Variants in ELF5 observed in about 807,000 individuals in gnomAD.
The protein encoded by ELF5 is ETS-related transcription factor Elf-5.
A neutral mutation model predicts 38.2 loss-of-function variants in ELF5; 31 were observed. The observed-to-expected ratio is 0.81, with a 90% CI of 0.61 to 1.10. The LOEUF (loss-of-function observed/expected upper bound fraction) is 1.10. Among genes scored for constraint, ELF5 ranks in the 50% least tolerant of loss-of-function variants. The probability of loss-of-function intolerance (pLI) is 0.00; values close to 1 mark genes in which losing one functional copy is unlikely to be tolerated. For missense variants in ELF5, 300 were observed against 306.6 expected, an observed-to-expected ratio of 0.98 and a Z score of 0.16; for synonymous variants, 121 against 112.5, an observed-to-expected ratio of 1.08 and a Z score of -0.48.
intron 2 of ELF5, among the ~76,000 whole-genome samples, chr11:34,494,147 C>T (rs530261683): frequency 3.7e-4 from 56 of 152,288 alleles, no homozygotes; most frequent in South Asian, 1.4e-3. Flanking sequence ...GTTTCCTCAT[C>T]TGTAAAATGG....
intron 2 of ELF5, among the ~76,000 whole-genome samples, chr11:34,494,347 C>A (rs1456158356): frequency 6.6e-6 from 1 of 152,212 alleles, no homozygotes; most frequent in East Asian, 1.9e-4. Flanking sequence ...TGTTTCTGCA[C>A]AGTTACTGGC....
At chr11:34,511,101 A>G (rs1304846319) in intron 1 of ELF5, among the ~76,000 whole-genome samples, 1 of 152,160 alleles carries the variant, frequency 6.6e-6, no homozygotes, top group Non-Finnish European at 1.5e-5. Flanking sequence ...GCAGACACCC[A>G]CCTGATTGAG....
chr11:34,481,533 A>G (rs577815029), intron 5 of ELF5, among the ~76,000 whole-genome samples: 1 of 152,330 alleles, frequency 6.6e-6, no homozygotes, highest in Admixed American at 6.5e-5. Context: ...TGACTCACAG[A>G]TGTTCTATGG....
chr11:34,507,271 T>C lies in ELF5; in HGVS notation c.-4-1518A>G, dbSNP rs76628728. ...GACCTGTGGTAATTGCAACAAGCAC[T>C]TCACTTTGGGCTTCATGCTGAGTAC... On this transcript the variant is annotated intron_variant, in intron 1 of 6. Transcript: ENST00000257832. Among the ~76,000 whole-genome samples the C allele has an allele frequency of 7.6e-3, 1,151 of 152,336 alleles. 15 individuals carry two copies. The highest frequency in any genetic ancestry group is 0.027 in the African/African-American group (1,102 of 41,582).
At chr11:34,489,113 G>A (rs1850090938) in intron 4 of ELF5, among the ~76,000 whole-genome samples, 1 of 152,282 alleles carries the variant, frequency 6.6e-6, no homozygotes, top group African/African-American at 2.4e-5. Context: ...TAAGCCCGTA[G>A]CGTGTGGTCC....
chr11:34,505,599 A>C, intron 2 of ELF5, 30 bp downstream of exon 2: 1 of 1,612,372 alleles, frequency 6.2e-7, no homozygotes, highest in Non-Finnish European at 8.5e-7. Flanking sequence ...TCCTGGCTGC[A>C]CTCAGATGGG....
chr11:34,489,495 C>T (rs757885445), intron 4 of ELF5, among the ~76,000 whole-genome samples: 3 of 152,208 alleles, frequency 2.0e-5, no homozygotes, highest in Non-Finnish European at 4.4e-5. Flanking sequence ...TTTCCCGAGC[C>T]TTCTTCATCT....
At chr11:34,484,379 C>G (rs12288820) in intron 4 of ELF5, among the ~76,000 whole-genome samples, 91,490 of 151,076 alleles carry the variant, frequency 0.61, 29,181 homozygotes, top group African/African-American at 0.79. Flanking sequence ...TAACTATACT[C>G]TACTGTACTA....
chr11:34,510,506 C>T (rs1564988037), intron 1 of ELF5, among the ~76,000 whole-genome samples: 1 of 152,020 alleles, frequency 6.6e-6, no homozygotes, highest in African/African-American at 2.4e-5. Context: ...CTCTTAAGGA[C>T]TTCTTTAGTG....
chr11:34,489,667 G>A (rs1306795588), intron 4 of ELF5, among the ~76,000 whole-genome samples: 2 of 152,102 alleles, frequency 1.3e-5, no homozygotes. Flanking sequence ...TATGACAAAT[G>A]GATACTGGTT....
At chr11:34,493,817 T>C (rs1850245957) in intron 2 of ELF5, 105 bp from the exon 3 acceptor site, 2 of 1,015,930 alleles carry the variant, frequency 2.0e-6, no homozygotes, top group Non-Finnish European at 2.9e-6. Context: ...CCTCAGCCAA[T>C]AAGTTGAAAG....
At chr11:34,484,064 T>C (rs372171854) in intron 4 of ELF5, among the ~76,000 whole-genome samples, 20 of 151,572 alleles carry the variant, frequency 1.3e-4, no homozygotes, top group African/African-American at 4.3e-4. Flanking sequence ...ATACTAACTA[T>C]ACTGTACTGT....
intron 3 of ELF5, among the ~76,000 whole-genome samples, chr11:34,490,607 G>A (rs1006613788): frequency 1.3e-5 from 2 of 152,198 alleles, no homozygotes; most frequent in African/African-American, 4.8e-5. Context: ...TGTGAATGCT[G>A]AGTTTAATGA....
chr11:34,494,538 AGAG>A, intron 2 of ELF5, among the ~76,000 whole-genome samples: 1 of 152,246 alleles, frequency 6.6e-6, no homozygotes, highest in South Asian at 2.1e-4. Flanking sequence ...CCACTCCTTT[AGAG>A]GAGTCGTGTA....
intron 3 of ELF5, 185 bp downstream of exon 3, chr11:34,493,294 G>A (rs1004204404): frequency 1.4e-5 from 9 of 630,468 alleles, no homozygotes; most frequent in South Asian, 8.1e-5. Flanking sequence ...TTTGTAACTC[G>A]CTCCCTTTTC....
chr11:34,480,249 T>C lies in ELF5; in HGVS notation c.737A>G (p.Asn246Ser). 1 of 1,613,970 alleles carries C rather than the reference T, an allele frequency of 6.2e-7. No homozygotes were observed. Among genetic ancestry groups the C allele is most frequent in the Non-Finnish European group, 8.5e-7 (1 of 1,179,896 alleles). The change falls in exon 7 of 7, where the codon AAT (asparagine) becomes AGT (serine). Residue 246 changes from asparagine to serine, a missense_variant. Asn to Ser is a conservative substitution (Grantham distance 46). Transcript: ENST00000257832. ...CTTGTCTTCCTGCCACCCGTGTGCA[T>C]TTTTTCCAAATTTGTACACTAACCT... is the stretch of plus-strand genomic sequence containing the variant. ...DRRLVYKFGK[N>S]AHGWQEDKL
At chr11:34,496,136 G>A (rs994363316) in intron 2 of ELF5, among the ~76,000 whole-genome samples, 12 of 152,252 alleles carry the variant, frequency 7.9e-5, no homozygotes, top group African/African-American at 2.9e-4. Flanking sequence ...CGGAAGCCAA[G>A]GGGGCCTCAA....
At chr11:34,496,792 C>G (rs1850331940) in intron 2 of ELF5, among the ~76,000 whole-genome samples, 1 of 152,142 alleles carries the variant, frequency 6.6e-6, no homozygotes. Flanking sequence ...CTCCACTTTA[C>G]ACGTGAGGAG....
At chr11:34,485,357 C>T (rs1326843956) in intron 4 of ELF5, among the ~76,000 whole-genome samples, 2 of 152,192 alleles carry the variant, frequency 1.3e-5, no homozygotes, top group Admixed American at 6.5e-5. Flanking sequence ...CTCACTCAAC[C>T]TTCCCCACCC....
Sources: allele counts gnomAD v4.1 joint callset (sites outside exome capture counted in the v4.1 genomes callset), GRCh38; gene constraint gnomAD v4.1.1; transcripts MANE v1.5; gene names NCBI Gene and HGNC (gene_info 2026-07-23, HGNC 2026-07-21).